The following GPAT4 variants were observed in gnomAD, a reference collection of about 807,000 sequenced individuals.
GPAT4 encodes glycerol-3-phosphate acyltransferase 4.
GPAT4 carries 17 observed loss-of-function variants against 58.0 expected under a neutral mutation model. The ratio of observed to expected loss-of-function variants is 0.29; its 90% CI spans 0.20 to 0.44. The LOEUF is 0.44. Among genes scored for constraint, GPAT4 ranks in the 20% least tolerant of loss-of-function variants. The probability of loss-of-function intolerance (pLI) is 1.00; values close to 1 mark genes in which losing one functional copy is unlikely to be tolerated. For synonymous variants in GPAT4, 204 were observed against 210.1 expected, an observed-to-expected ratio of 0.97 and a Z score of 0.25; for missense variants, 377 against 574.5, an observed-to-expected ratio of 0.66 and a Z score of 3.51.
At chr8:41,585,397 A>G (rs1014368741) in intron 1 of GPAT4, among the ~76,000 whole-genome samples, 1 of 152,136 alleles carries the variant, frequency 6.6e-6, no homozygotes, top group Non-Finnish European at 1.5e-5. Flanking sequence ...ACTTGTCCCC[A>G]TCATCAAACC....
Position 41,597,286 on chromosome 8 carries a change from AC to A in GPAT4, c.-848-1005del, listed in dbSNP as rs544578625. ...CTTGTTCATTTGTTCAATTTCTTGT[AC>A]TTCTAAGTGTTTGGAATAGCCTGAA... On this transcript the variant is annotated intron_variant, in intron 1 of 12. Coordinates refer to ENST00000396987, the MANE Select transcript of GPAT4 (RefSeq NM_178819.4). Among the ~76,000 whole-genome samples, 115 of 152,304 alleles carry A rather than the reference AC, an allele frequency of 7.6e-4. 2 individuals carry two copies. In the South Asian group the frequency reaches 0.023, roughly 30 times the overall value.
Position 41,602,015 on chromosome 8 carries a change from C to T in GPAT4, c.165+2711C>T, listed in dbSNP as rs139841053. ...TTTTGCCCAGGCTGGAGTGCAGTGG[C>T]ATGATCTTGGCCCACTGCAGCCTCC... is the stretch of plus-strand genomic sequence containing the variant. On this transcript the variant is annotated intron_variant, in intron 2 of 12. Coordinates refer to ENST00000396987, the MANE Select transcript of GPAT4 (RefSeq NM_178819.4). 6.5e-3 allele frequency among the ~76,000 whole-genome samples: 994 copies of T among 152,308 alleles called. 9 individuals carry two copies. Among genetic ancestry groups the T allele is most frequent in the African/African-American group, 0.023 (944 of 41,566 alleles).
At chr8:41,617,643 C>T (rs1803633437) in intron 10 of GPAT4, among the ~76,000 whole-genome samples, 1 of 152,174 alleles carries the variant, frequency 6.6e-6, no homozygotes, top group African/African-American at 2.4e-5. Flanking sequence ...TCATAGAGTT[C>T]AACCCTAGCC....
rs145758021 is a variant in GPAT4, at chr8:41,581,170, A to G, written c.-849+2892A>G. On this transcript the variant is annotated intron_variant, in intron 1 of 12. Transcript: ENST00000396987. ...ACTAAACCATGTAATAGCGTACACT[A>G]TGATTAAGGCTTTTTAAGAGAATAG... Among the ~76,000 whole-genome samples the G allele has an allele frequency of 1.1e-4, 17 of 152,318 alleles. 1 individual carries two copies. In the East Asian group the frequency reaches 3.1e-3, roughly 28 times the overall value.
Position 41,599,053 on chromosome 8 carries a change from C to G in GPAT4, c.-87C>G, listed in dbSNP as rs1342459872. 6.6e-6 allele frequency: 10 copies of G among 1,505,394 alleles called. No homozygotes were observed. The highest frequency in any genetic ancestry group is 8.0e-6 in the Non-Finnish European group (9 of 1,125,136). 93.3% of individuals were successfully genotyped at this position (1,505,394 alleles called of 1,614,324 possible). A position where few individuals can be genotyped will look rare whatever the true frequency, so the allele number is the denominator to read the frequency against. ...GTTCTTCGGGAACTTGCTTCCTTTC[C>G]CTGGCTGGTGCTGTCAGGAAGGACC... is the stretch of plus-strand genomic sequence containing the variant. On this transcript the variant is annotated 5_prime_UTR_variant, in exon 2 of 13. Transcript: ENST00000396987.
rs1454861664 is a variant in GPAT4, at chr8:41,622,097, T to C, written c.*1096T>C. Reference sequence around the variant, plus strand: ...GCTCGTCTCAGATGCTTGCAGATCTTTGGTTAATTTAGAATTTCCAGCACA... The same window carrying C: ...GCTCGTCTCAGATGCTTGCAGATCTCTGGTTAATTTAGAATTTCCAGCACA... On this transcript the variant is annotated 3_prime_UTR_variant, in exon 13 of 13. Coordinates refer to ENST00000396987, the MANE Select transcript of GPAT4 (RefSeq NM_178819.4). The C allele has an allele frequency of 6.6e-6, 1 of 152,170 alleles. No individual in the cohort carries two copies. Among genetic ancestry groups the C allele is most frequent in the East Asian group, 1.9e-4 (1 of 5,202 alleles). The allele number at this position is 152,170 out of a possible 1,614,324, so 9.4% of individuals were successfully genotyped here.
At chr8:41,584,123 C>T (rs1465911483) in intron 1 of GPAT4, among the ~76,000 whole-genome samples, 1 of 152,142 alleles carries the variant, frequency 6.6e-6, no homozygotes, top group Non-Finnish European at 1.5e-5. Context: ...TGTTGAACTC[C>T]TGTCCTCAAG....
chr8:41,584,255 C>T (rs1238519580), intron 1 of GPAT4, among the ~76,000 whole-genome samples: 1 of 152,126 alleles, frequency 6.6e-6, no homozygotes, highest in Non-Finnish European at 1.5e-5. Context: ...AGTGAGACTT[C>T]CCTACGCTGC....
At chr8:41,592,641 T>C (rs1474411254) in intron 1 of GPAT4, among the ~76,000 whole-genome samples, 2 of 152,164 alleles carry the variant, frequency 1.3e-5, no homozygotes, top group Admixed American at 1.3e-4. Context: ...TGAAGTGACA[T>C]TGAGAGACTG....
intron 2 of GPAT4, among the ~76,000 whole-genome samples, chr8:41,603,963 C>CT (rs1563274829): frequency 3.3e-4 from 50 of 151,230 alleles, no homozygotes; most frequent in African/African-American, 1.2e-3. Context: ...TGTAATATAG[C>CT]AATAAGATAG....
At chr8:41,619,515 C>A (rs1208926135) in intron 12 of GPAT4, among the ~76,000 whole-genome samples, 1 of 152,164 alleles carries the variant, frequency 6.6e-6, no homozygotes, top group African/African-American at 2.4e-5. Flanking sequence ...GTCTATAAAC[C>A]AATGAGCATG....
chr8:41,591,601 A>G (rs1200144113), intron 1 of GPAT4, among the ~76,000 whole-genome samples: 1 of 152,248 alleles, frequency 6.6e-6, no homozygotes, highest in Non-Finnish European at 1.5e-5. Context: ...CATTTGAAGA[A>G]GTACAGGTAG....
intron 1 of GPAT4, among the ~76,000 whole-genome samples, chr8:41,593,515 C>A (rs1022056595): frequency 3.3e-5 from 5 of 152,172 alleles, no homozygotes; most frequent in Non-Finnish European, 5.9e-5. Flanking sequence ...ATGCTTCGGC[C>A]GTGTGTGGAC....
intron 1 of GPAT4, among the ~76,000 whole-genome samples, chr8:41,583,725 G>A (rs112951504): frequency 1.2e-3 from 186 of 152,284 alleles, no homozygotes; most frequent in Non-Finnish European, 2.2e-3. Flanking sequence ...TAAAGATGAA[G>A]GAATGTTTTA....
At position 41,608,046 on chromosome 8, in the gene GPAT4, C is replaced by T. The variant is rs117509894; in HGVS notation, c.166-1370C>T. On this transcript the variant is annotated intron_variant, in intron 2 of 12. Transcript: ENST00000396987. ...ATATTAACATTTTTAAAGGAAAGCTCGTCTGTGCTTAGAGCCAAAAGACAT... is the reference window on the plus strand; with the variant it reads ...ATATTAACATTTTTAAAGGAAAGCTTGTCTGTGCTTAGAGCCAAAAGACAT... Among the ~76,000 whole-genome samples the T allele has an allele frequency of 3.1e-3, 477 of 152,274 alleles. 14 individuals carry two copies. The East Asian group carries it at 0.075, about 24-fold the overall frequency.
chr8:41,590,287 A>G (rs1020238736), intron 1 of GPAT4, among the ~76,000 whole-genome samples: 1 of 152,198 alleles, frequency 6.6e-6, no homozygotes, highest in African/African-American at 2.4e-5. Flanking sequence ...GGGTTTCACC[A>G]TGTTGGCCCG....
At chr8:41,591,773 G>A (rs1464199965) in intron 1 of GPAT4, among the ~76,000 whole-genome samples, 1 of 152,200 alleles carries the variant, frequency 6.6e-6, no homozygotes, top group East Asian at 1.9e-4. Flanking sequence ...ATATCTCTGT[G>A]TCTTCAACTA....
intron 12 of GPAT4, among the ~76,000 whole-genome samples, chr8:41,620,504 T>A (rs1803717683): frequency 6.6e-6 from 1 of 152,210 alleles, no homozygotes; most frequent in Non-Finnish European, 1.5e-5. Flanking sequence ...ACAGATAGAT[T>A]TTACAGATAC....
chr8:41,593,195 C>G (rs1040776055), intron 1 of GPAT4, among the ~76,000 whole-genome samples: 2 of 152,116 alleles, frequency 1.3e-5, no homozygotes, highest in African/African-American at 2.4e-5. Context: ...GTATCACTTA[C>G]GAGTCCCCAC....
Sources: allele counts gnomAD v4.1 joint callset (sites outside exome capture counted in the v4.1 genomes callset), GRCh38; gene constraint gnomAD v4.1.1; transcripts MANE v1.5; gene names NCBI Gene and HGNC (gene_info 2026-07-23, HGNC 2026-07-21).